Variants in KCNIP4 observed in about 807,000 individuals in gnomAD.
The protein encoded by KCNIP4 is potassium voltage-gated channel interacting protein 4.
KCNIP4 carries 12 observed loss-of-function variants against 34.0 expected under a neutral mutation model. That is an observed-to-expected ratio of 0.35 (90% CI 0.23 to 0.57). The LOEUF is 0.57. Among genes scored for constraint, KCNIP4 ranks in the 20% least tolerant of loss-of-function variants. KCNIP4 has a pLI of 0.83. For missense variants in KCNIP4, 238 were observed against 311.7 expected, an observed-to-expected ratio of 0.76 and a Z score of 1.78; for synonymous variants, 124 against 102.2, an observed-to-expected ratio of 1.21 and a Z score of -1.29.
intron 1 of KCNIP4, among the ~76,000 whole-genome samples, chr4:21,761,263 T>G (rs962530212): frequency 6.6e-6 from 1 of 151,374 alleles, no homozygotes. Flanking sequence ...TATAACCTTT[T>G]CAACAATATA....
chr4:21,553,991 C>G (rs1458943067), intron 1 of KCNIP4, among the ~76,000 whole-genome samples: 3 of 152,056 alleles, frequency 2.0e-5, no homozygotes, highest in African/African-American at 7.2e-5. Context: ...ATTCAACCCA[C>G]TATGGGGAGT....
intron 3 of KCNIP4, among the ~76,000 whole-genome samples, chr4:20,774,062 T>C (rs933035965): frequency 6.6e-6 from 1 of 152,122 alleles, no homozygotes; most frequent in Non-Finnish European, 1.5e-5. Context: ...AAGATGAAAA[T>C]AATGATACTA....
At chr4:21,168,914 A>G (rs960160333) in intron 1 of KCNIP4, among the ~76,000 whole-genome samples, 1 of 152,108 alleles carries the variant, frequency 6.6e-6, no homozygotes, top group Non-Finnish European at 1.5e-5. Flanking sequence ...AGTATCTCGA[A>G]GCATCTGCCA....
intron 2 of KCNIP4, among the ~76,000 whole-genome samples, chr4:20,851,444 T>C (rs1721012181): frequency 6.6e-6 from 1 of 152,186 alleles, no homozygotes; most frequent in Non-Finnish European, 1.5e-5. Context: ...TGGTGGGCGG[T>C]TAGGTTGATT....
At chr4:21,337,896 A>T (rs1341626997) in intron 1 of KCNIP4, among the ~76,000 whole-genome samples, 1 of 152,098 alleles carries the variant, frequency 6.6e-6, no homozygotes, top group African/African-American at 2.4e-5. Context: ...AAAATACCTA[A>T]ATCAATTTCT....
chr4:21,129,894 A>C (rs1420523001), intron 1 of KCNIP4, among the ~76,000 whole-genome samples: 1 of 151,990 alleles, frequency 6.6e-6, no homozygotes, highest in East Asian at 1.9e-4. Flanking sequence ...AATGTTAAAA[A>C]AAAAAACAGT....
At chr4:21,697,294 A>G in intron 1 of KCNIP4, 1 of 1,396,328 alleles carries the variant, frequency 7.2e-7, no homozygotes, top group Non-Finnish European at 9.2e-7. Context: ...CAACTTCATT[A>G]CCATGCTCTA....
At chr4:21,005,390 A>G (rs1738469567) in intron 1 of KCNIP4, among the ~76,000 whole-genome samples, 1 of 152,224 alleles carries the variant, frequency 6.6e-6, no homozygotes, top group Non-Finnish European at 1.5e-5. Flanking sequence ...AAAACTAACA[A>G]GTAATCATTG....
chr4:21,102,164 T>C (rs1748004741), intron 1 of KCNIP4, among the ~76,000 whole-genome samples: 1 of 152,190 alleles, frequency 6.6e-6, no homozygotes, highest in Non-Finnish European at 1.5e-5. Context: ...TTTCAACTAT[T>C]GTGTCTAGTA....
At chr4:21,071,374 GT>G (rs1398930650) in intron 1 of KCNIP4, among the ~76,000 whole-genome samples, 1 of 152,144 alleles carries the variant, frequency 6.6e-6, no homozygotes, top group Non-Finnish European at 1.5e-5. Flanking sequence ...AGTTGTTACT[GT>G]TTCTGAACCT....
intron 1 of KCNIP4, among the ~76,000 whole-genome samples, chr4:21,301,070 A>T (rs776675917): frequency 1.4e-4 from 21 of 152,154 alleles, no homozygotes; most frequent in Middle Eastern, 3.2e-3. Flanking sequence ...AACATATGAC[A>T]TGGATCTCTG....
At chr4:21,007,714 G>T (rs1031428741) in intron 1 of KCNIP4, among the ~76,000 whole-genome samples, 1 of 152,170 alleles carries the variant, frequency 6.6e-6, no homozygotes. Context: ...ATACTCCTCA[G>T]TAATTATCTC....
At chr4:21,775,116 C>T (rs1258647712) in intron 1 of KCNIP4, among the ~76,000 whole-genome samples, 1 of 152,118 alleles carries the variant, frequency 6.6e-6, no homozygotes, top group Non-Finnish European at 1.5e-5. Context: ...GCTGCTGACC[C>T]TTGGACAGGG....
At chr4:20,891,059 C>T (rs947992844) in intron 1 of KCNIP4, among the ~76,000 whole-genome samples, 1 of 152,116 alleles carries the variant, frequency 6.6e-6, no homozygotes, top group Non-Finnish European at 1.5e-5. Flanking sequence ...GGTAATTTCA[C>T]CATAATGAGA....
At chr4:21,483,646 C>T (rs780162413) in intron 1 of KCNIP4, among the ~76,000 whole-genome samples, 2 of 151,894 alleles carry the variant, frequency 1.3e-5, no homozygotes, top group African/African-American at 2.4e-5. Flanking sequence ...AAAAATTAGC[C>T]AGGTGTGGTG....
At chr4:21,107,787 C>A (rs1748720174) in intron 1 of KCNIP4, among the ~76,000 whole-genome samples, 2 of 151,434 alleles carry the variant, frequency 1.3e-5, no homozygotes, top group Non-Finnish European at 2.9e-5. Flanking sequence ...TCTTTTAGGG[C>A]AGGCCTGGTG....
chr4:21,374,883 G>T (rs1720827965), intron 1 of KCNIP4, among the ~76,000 whole-genome samples: 1 of 147,474 alleles, frequency 6.8e-6, no homozygotes, highest in Non-Finnish European at 1.5e-5. Context: ...TTCCTGTGCA[G>T]AGGGCACAGC....
intron 1 of KCNIP4, among the ~76,000 whole-genome samples, chr4:21,398,078 G>C (rs1023682105): frequency 2.0e-5 from 3 of 152,208 alleles, no homozygotes; most frequent in African/African-American, 7.2e-5. Context: ...GTTTAGCTGA[G>C]GCTGGGGCCT....
At chr4:21,386,796 T>C (rs181631330) in intron 1 of KCNIP4, among the ~76,000 whole-genome samples, 11 of 152,258 alleles carry the variant, frequency 7.2e-5, no homozygotes, top group Admixed American at 3.3e-4. Context: ...AGGGGCAGCT[T>C]ATCTTTTTGC....
Sources: gnomAD v4.1 joint callset for allele counts (sites outside exome capture counted in the v4.1 genomes callset) on GRCh38, gnomAD v4.1.1 for gene constraint, MANE v1.5 for transcripts, NCBI Gene and HGNC (gene_info 2026-07-23, HGNC 2026-07-21) for gene names.